The following TPD52L2 variants were observed in gnomAD, a reference collection of about 807,000 sequenced individuals.
TPD52L2 encodes the protein tumor protein D54.
Under a neutral mutation model 24.7 loss-of-function variants are expected in TPD52L2, and 19 were observed. That is an observed-to-expected ratio of 0.77 (90% CI 0.54 to 1.13). The LOEUF (loss-of-function observed/expected upper bound fraction) is 1.13, where lower values mean the gene tolerates loss of function less well. Among genes scored for constraint, TPD52L2 ranks in the 50% most tolerant of loss-of-function variants. TPD52L2 has a pLI of 0.00. For missense variants in TPD52L2, 236 were observed against 250.4 expected (o/e 0.94, Z 0.39); for synonymous variants, 104 against 100.2 (o/e 1.04, Z -0.23).
At chr20:63,882,645 A>G (rs1298292224) in intron 4 of TPD52L2, 74 bp from the exon 5 acceptor site, 4 of 1,207,740 alleles carry the variant, frequency 3.3e-6, no homozygotes, top group South Asian at 1.2e-5. Context: ...GCGTGCTCCC[A>G]GTGCTTTGTT....
chr20:63,889,162 A>G (rs960774605), intron 5 of TPD52L2, 28 bp from the exon 6 acceptor site: 1 of 1,609,988 alleles, frequency 6.2e-7, no homozygotes, highest in African/African-American at 1.3e-5. Flanking sequence ...TCCTCTTGAC[A>G]CCGACACTCT....
In TPD52L2 at chr20:63,877,961, CGGCCGA is replaced by C. The variant is rs777186947; in HGVS notation, c.374+2095_374+2100del. On this transcript the variant is annotated intron_variant, in intron 4 of 6. Coordinates refer to ENST00000346249, the MANE Select transcript of TPD52L2 (RefSeq NM_003288.4). The surrounding 1 kb of genome is among the most constrained non-coding windows in gnomAD (Gnocchi z 4.1). Reference sequence around the variant, plus strand: ...CCGAGGGCGATGGTTTCTGCCGGGACGGCCGAGGCCGAGGGCGGTGGTTTCTGCCGG... The same window carrying C: ...CCGAGGGCGATGGTTTCTGCCGGGACGGCCGAGGGCGGTGGTTTCTGCCGG... Among the ~76,000 whole-genome samples the C allele has an allele frequency of 5.5e-4, 83 of 152,204 alleles. No homozygotes were observed. The highest frequency in any genetic ancestry group is 9.9e-4 in the Non-Finnish European group (67 of 67,972).
At chr20:63,874,226 T>TGTGTG (rs1568944556) in intron 3 of TPD52L2, among the ~76,000 whole-genome samples, 8 of 134,994 alleles carry the variant, frequency 5.9e-5, no homozygotes, top group African/African-American at 2.4e-4. Context: ...TGATTTTTTT[T>TGTGTG]TTTGTGTGTG....
intron 1 of TPD52L2, among the ~76,000 whole-genome samples, chr20:63,866,922 G>GGC (rs1264280117): frequency 6.6e-6 from 1 of 151,592 alleles, no homozygotes; most frequent in African/African-American, 2.4e-5. Context: ...TAAGACTACA[G>GGC]GCGCACCATG....
intron 4 of TPD52L2, 89 bp from the exon 5 acceptor site, chr20:63,882,630 C>CTCGGGCGTGCTCCCAGTGCTTTGT (rs2052944781): frequency 9.4e-7 from 1 of 1,061,138 alleles, no homozygotes; most frequent in Non-Finnish European, 1.5e-6. Flanking sequence ...CTCAGTTTTC[C>CTCGGGCGTGCTCCCAGTGCTTTGT]TCGGGCGTGC....
chr20:63,875,071 G>A (rs939315246), intron 3 of TPD52L2, among the ~76,000 whole-genome samples: 10 of 151,702 alleles, frequency 6.6e-5, no homozygotes, highest in East Asian at 3.9e-4. Context: ...TAACCCGGGA[G>A]GCGGAGGTTG....
intron 4 of TPD52L2, chr20:63,876,956 A>C (rs2052708744): frequency 2.2e-6 from 1 of 453,958 alleles, no homozygotes; most frequent in African/African-American, 2.0e-5. Context: ...TGGCTACAGC[A>C]GCCAGCTGTA....
intron 4 of TPD52L2, among the ~76,000 whole-genome samples, chr20:63,879,190 T>G (rs1241082671): frequency 6.6e-6 from 1 of 152,150 alleles, no homozygotes; most frequent in African/African-American, 2.4e-5. Flanking sequence ...TGATGCCCAT[T>G]GTTTCCAGGG....
chr20:63,867,563 T>TA (rs777112231), intron 1 of TPD52L2, among the ~76,000 whole-genome samples: 1,696 of 137,000 alleles, frequency 0.012, 24 homozygotes, highest in African/African-American at 0.031. Context: ...AAGACTCGTC[T>TA]AAAAAAAAAA....
intron 5 of TPD52L2, chr20:63,887,292 C>T: frequency 1.7e-6 from 1 of 580,538 alleles, no homozygotes; most frequent in Admixed American, 3.0e-5. Flanking sequence ...TTTCAAAAGC[C>T]CAAGCCTGGT....
chr20:63,887,669 C>T, intron 5 of TPD52L2: 4 of 1,528,414 alleles, frequency 2.6e-6, no homozygotes, highest in Admixed American at 1.7e-5. Flanking sequence ...TGGGGCAGCT[C>T]CCGCCGGTTA....
intron 2 of TPD52L2, among the ~76,000 whole-genome samples, chr20:63,870,132 C>G (rs1292124473): frequency 1.3e-5 from 2 of 152,132 alleles, no homozygotes; most frequent in Admixed American, 6.5e-5. Context: ...GTCTCAAAAA[C>G]AAAACAAAAA....
chr20:63,886,563 G>GTATTAGCCAGGA (rs1555875339), intron 5 of TPD52L2, among the ~76,000 whole-genome samples: 3 of 151,564 alleles, frequency 2.0e-5, no homozygotes, highest in Non-Finnish European at 4.4e-5. Flanking sequence ...GGGTTTCACC[G>GTATTAGCCAGGA]TGGTCTCGAT....
At chr20:63,889,586 C>T (rs2053258268) in intron 6 of TPD52L2, among the ~76,000 whole-genome samples, 1 of 152,162 alleles carries the variant, frequency 6.6e-6, no homozygotes, top group Admixed American at 6.5e-5. Flanking sequence ...GTCCACTCTC[C>T]CTTTGTATAA....
At chr20:63,878,160 A>C (rs1048839052) in intron 4 of TPD52L2, among the ~76,000 whole-genome samples, 3 of 152,278 alleles carry the variant, frequency 2.0e-5, no homozygotes, top group Admixed American at 2.0e-4. Flanking sequence ...AGCTCCCTGC[A>C]TCCTGACCCA....
intron 3 of TPD52L2, among the ~76,000 whole-genome samples, 177 bp downstream of exon 3, chr20:63,873,993 G>C (rs1238382212): frequency 6.6e-6 from 1 of 152,078 alleles, no homozygotes; most frequent in Non-Finnish European, 1.5e-5. Flanking sequence ...ACTGTGCCTT[G>C]TTTGTTCAAA....
intron 3 of TPD52L2, 100 bp downstream of exon 3, chr20:63,873,916 G>A (rs2052562774): frequency 1.6e-5 from 22 of 1,348,860 alleles, no homozygotes; most frequent in Non-Finnish European, 9.7e-7. Context: ...GGGACGAGTT[G>A]CAGCCGTGGA....
Position 63,882,477 on chromosome 20 carries a change from C to T in TPD52L2, c.375-242C>T, listed in dbSNP as rs552293171. Among the ~76,000 whole-genome samples, 6 of 152,354 alleles carry T rather than the reference C, an allele frequency of 3.9e-5. 1 individual carries two copies. In the South Asian group the frequency reaches 8.3e-4, roughly 21 times the overall value. ...ATTGCAGGGCTGGGGGGCCGAGACT[C>T]GGCAGGGTCGCCGAGAGCTCAGTGA... On this transcript the variant is annotated intron_variant, in intron 4 of 6. Coordinates refer to ENST00000346249, the MANE Select transcript of TPD52L2 (RefSeq NM_003288.4).
Position 63,877,020 on chromosome 20 carries a change from T to G in TPD52L2, c.374+1145T>G, listed in dbSNP as rs770117826. The G allele has an allele frequency of 1.2e-4, 52 of 444,292 alleles. No homozygotes were observed. The highest frequency in any genetic ancestry group is 4.5e-5 in the Non-Finnish European group (10 of 224,168). The allele number at this position is 444,292 out of a possible 1,614,324, so 27.5% of individuals were successfully genotyped here. A position where few individuals can be genotyped will look rare whatever the true frequency, so the allele number is the denominator to read the frequency against. On this transcript the variant is annotated intron_variant, in intron 4 of 6. Transcript: ENST00000346249. The surrounding 1 kb of genome is among the most constrained non-coding windows in gnomAD (Gnocchi z 4.1). The stretch of plus-strand genomic sequence containing the variant: ...TTCATGGCATGTTGCCCTGGGTTTT[T>G]TTTGTTTGTTTGGTTTTTTTTTTGA...
Sources: allele counts gnomAD v4.1 joint callset (sites outside exome capture counted in the v4.1 genomes callset), GRCh38; gene constraint gnomAD v4.1.1; non-coding constraint Gnocchi (gnomAD v3.1); transcripts MANE v1.5; gene names NCBI Gene and HGNC (gene_info 2026-07-23, HGNC 2026-07-21).